ELP1: variants seen among roughly 807,000 people sequenced by gnomAD.
ELP1 encodes the protein elongator complex protein 1.
A neutral mutation model predicts 183.2 loss-of-function variants in ELP1; 131 were observed. The observed-to-expected ratio is 0.72, with a 90% CI of 0.62 to 0.83. ELP1 has a LOEUF of 0.83. Ranked by LOEUF, ELP1 falls within the 40% of genes least tolerant of loss-of-function variation. The probability of loss-of-function intolerance (pLI) is 0.00; values close to 1 mark genes in which losing one functional copy is unlikely to be tolerated. For missense variants in ELP1, 1,550 were observed against 1,594.9 expected, an observed-to-expected ratio of 0.97 and a Z score of 0.48; for synonymous variants, 555 against 569.0, an observed-to-expected ratio of 0.98 and a Z score of 0.35.
At position 108,878,715 on chromosome 9, in the gene ELP1, T is replaced by C; in HGVS notation, c.3608A>G (p.Lys1203Arg). The C allele has an allele frequency of 6.2e-7, 1 of 1,614,232 alleles. No homozygotes were observed. Among genetic ancestry groups the C allele is most frequent in the Non-Finnish European group, 8.5e-7 (1 of 1,180,034 alleles). ...SSKNRRKAER[K>R]KHSLKEGSPL... ...ACTGCCTTCTTTGAGGCTGTGCTTC[T>C]TCCGCTCCGCTTTTCGGCGATTCTT... The change falls in exon 34 of 37, where the codon AAG becomes AGG. Residue 1203 changes from lysine to arginine, a missense_variant. Lys to Arg is a conservative substitution (Grantham distance 26, BLOSUM62 2). Coordinates refer to ENST00000374647, the MANE Select transcript of ELP1 (RefSeq NM_003640.5).
At chr9:108,874,818 T>G (rs1355387356) in intron 36 of ELP1, 77 bp downstream of exon 36, 11 of 999,976 alleles carry the variant, frequency 1.1e-5, no homozygotes, top group Non-Finnish European at 1.6e-5. Flanking sequence ...CTCCTTATAC[T>G]GCTGATCTTC....
At chr9:108,893,165 C>T (rs1255848562) in intron 26 of ELP1, 82 bp from the exon 27 acceptor site, 1 of 945,356 alleles carries the variant, frequency 1.1e-6, no homozygotes, top group Non-Finnish European at 1.7e-6. Flanking sequence ...GGTCACCAAA[C>T]AAAATAAATG....
At chr9:108,884,554 A>T (rs1192013735) in intron 29 of ELP1, among the ~76,000 whole-genome samples, 1 of 152,164 alleles carries the variant, frequency 6.6e-6, no homozygotes, top group East Asian at 1.9e-4. Flanking sequence ...AATCACAACA[A>T]AATTAAAGTA....
chr9:108,883,531 T>C (rs1166224130), intron 29 of ELP1, among the ~76,000 whole-genome samples: 1 of 148,212 alleles, frequency 6.7e-6, no homozygotes, highest in African/African-American at 2.5e-5. Context: ...CCAGCAGTTT[T>C]TGAAAACTCG....
At chr9:108,924,979 T>C (rs1829781369) in intron 5 of ELP1, among the ~76,000 whole-genome samples, 1 of 152,184 alleles carries the variant, frequency 6.6e-6, no homozygotes, top group Admixed American at 6.5e-5. Context: ...ATCATGCACA[T>C]ATATTCTAAA....
intron 13 of ELP1, 65 bp downstream of exon 13, chr9:108,908,240 G>T: frequency 8.5e-7 from 1 of 1,180,736 alleles, no homozygotes; most frequent in Non-Finnish European, 1.3e-6. Context: ...TTATCAGATG[G>T]CTGAATTTAG....
At chr9:108,893,772 C>A (rs565885290) in intron 26 of ELP1, among the ~76,000 whole-genome samples, 171 bp downstream of exon 26, 1 of 152,294 alleles carries the variant, frequency 6.6e-6, no homozygotes, top group Non-Finnish European at 1.5e-5. Context: ...AAGTGATTAC[C>A]TTCAGCTTTT....
Position 108,903,603 on chromosome 9 carries a change from T to C in ELP1, c.1710A>G (p.Val570=), listed in dbSNP as rs1387339820. Reference sequence around the variant, plus strand: ...ATATCTGGCCATCAGCCAGCTGTAATACTACTGACTTGGTCTTGGAATTGC... The same window carrying C: ...ATATCTGGCCATCAGCCAGCTGTAACACTACTGACTTGGTCTTGGAATTGC... ...LCCNSKTKSV[V]LQLADGQIFK... Residue 570 remains valine, a synonymous_variant, in exon 15 of 37, where the codon GTA becomes GTG. Transcript: ENST00000374647. 3 of 1,613,974 alleles carry C rather than the reference T, an allele frequency of 1.9e-6. No individual in the cohort carries two copies. The highest frequency in any genetic ancestry group is 2.5e-6 in the Non-Finnish European group (3 of 1,179,920).
chr9:108,887,871 C>T (rs12000857), intron 29 of ELP1, among the ~76,000 whole-genome samples: 4,617 of 152,254 alleles, frequency 0.03, 235 homozygotes, highest in African/African-American at 0.11. Flanking sequence ...CAAAATGATA[C>T]GGCCACTGCA....
intron 29 of ELP1, among the ~76,000 whole-genome samples, chr9:108,884,395 A>G (rs185508766): frequency 6.7e-4 from 102 of 152,318 alleles, no homozygotes; most frequent in Admixed American, 1.2e-3. Context: ...AGCATGATCA[A>G]CCTAATCTAA....
intron 25 of ELP1, among the ~76,000 whole-genome samples, chr9:108,895,139 A>G (rs1013353): frequency 0.27 from 40,537 of 152,044 alleles, 6,431 homozygotes; most frequent in African/African-American, 0.44. Flanking sequence ...AGCTGAGGTG[A>G]GATTGCTTGA....
chr9:108,916,608 G>A (rs1039134036), intron 9 of ELP1, among the ~76,000 whole-genome samples: 3 of 152,140 alleles, frequency 2.0e-5, no homozygotes, highest in African/African-American at 7.2e-5. Flanking sequence ...ACAACACAGA[G>A]ATAAGATGTA....
At chr9:108,901,791 T>A in intron 16 of ELP1, 110 bp from the exon 17 acceptor site, 1 of 1,019,238 alleles carries the variant, frequency 9.8e-7, no homozygotes, top group Non-Finnish European at 1.5e-6. Flanking sequence ...TAAGTTCCTG[T>A]AATCAGGACT....
At chr9:108,905,927 A>G (rs1342967327) in intron 14 of ELP1, among the ~76,000 whole-genome samples, 1 of 151,996 alleles carries the variant, frequency 6.6e-6, no homozygotes, top group Admixed American at 6.6e-5. Flanking sequence ...ATTTATACAA[A>G]ATTTCTTCCC....
At chr9:108,869,258 A>G in intron 36 of ELP1, 76 bp from the exon 37 acceptor site, 1 of 1,217,310 alleles carries the variant, frequency 8.2e-7, no homozygotes, top group Non-Finnish European at 1.2e-6. Context: ...ACTCTAAACT[A>G]AACAAACTAG....
At position 108,911,041 on chromosome 9, in the gene ELP1, A is replaced by G; in HGVS notation, c.1329T>C (p.Asp443=). The change falls in exon 12 of 37, where the codon GAT becomes GAC. Residue 443 remains aspartate (D), a synonymous_variant. Transcript: ENST00000374647. ...PQKSNDLAVL[D]ASNQISVYKC... Reference sequence around the variant, plus strand: ...TATAAACAGAAATCTGGTTACTGGCATCTAGAACAGCAAGGTCATTACTCT... The same window carrying G: ...TATAAACAGAAATCTGGTTACTGGCGTCTAGAACAGCAAGGTCATTACTCT... 6.2e-7 allele frequency: 1 copy of G among 1,614,188 alleles called. No individual in the cohort carries two copies. Among genetic ancestry groups the G allele is most frequent in the Non-Finnish European group, 8.5e-7 (1 of 1,180,024 alleles).
At chr9:108,900,042 A>G (rs78369394) in intron 19 of ELP1, 147 bp from the exon 20 acceptor site, 1 of 838,514 alleles carries the variant, frequency 1.2e-6, no homozygotes, top group African/African-American at 1.7e-5. Flanking sequence ...TGTTCTCTAT[A>G]TTTATCTTGA....
At chr9:108,882,785 G>T (rs1015459957) in intron 29 of ELP1, among the ~76,000 whole-genome samples, 4 of 151,920 alleles carry the variant, frequency 2.6e-5, no homozygotes, top group African/African-American at 7.3e-5. Flanking sequence ...TTTAGACAGG[G>T]TCTCACTATG....
chr9:108,903,423 C>T, intron 15 of ELP1, 140 bp downstream of exon 15: 1 of 677,528 alleles, frequency 1.5e-6, no homozygotes, highest in Non-Finnish European at 2.6e-6. Flanking sequence ...CTTGCCAATT[C>T]CACTCTAAAG....
Sources: allele counts gnomAD v4.1 joint callset (sites outside exome capture counted in the v4.1 genomes callset), GRCh38; gene constraint gnomAD v4.1.1; transcripts MANE v1.5; gene names NCBI Gene and HGNC (gene_info 2026-07-23, HGNC 2026-07-21).